Variants in CYP7B1 observed in about 807,000 individuals in gnomAD.
CYP7B1 encodes cytochrome P450 family 7 subfamily B member 1.
Under a neutral mutation model 42.7 loss-of-function variants are expected in CYP7B1, and 29 were observed. The ratio of observed to expected loss-of-function variants is 0.68; its 90% CI spans 0.51 to 0.93. CYP7B1 has a LOEUF of 0.93. CYP7B1 is among the 40% of genes least tolerant of loss of function. CYP7B1 has a pLI of 0.00. For missense variants in CYP7B1, 655 were observed against 600.5 expected, an observed-to-expected ratio of 1.09 and a Z score of -0.95; for synonymous variants, 235 against 218.2, an observed-to-expected ratio of 1.08 and a Z score of -0.68.
chr8:64,657,919 C>T (rs1402023296), intron 1 of CYP7B1, among the ~76,000 whole-genome samples: 29 of 152,148 alleles, frequency 1.9e-4, no homozygotes, highest in Non-Finnish European at 1.5e-4. Context: ...CAGAAATTTA[C>T]TTCTCATAGT....
intron 1 of CYP7B1, among the ~76,000 whole-genome samples, chr8:64,791,863 T>C (rs1804623916): frequency 6.6e-6 from 1 of 152,170 alleles, no homozygotes; most frequent in Non-Finnish European, 1.5e-5. Context: ...CTGAGGAGAA[T>C]GGTAGAAAAC....
chr8:64,628,627 AAC>A (rs996540691), intron 1 of CYP7B1, among the ~76,000 whole-genome samples: 3 of 152,144 alleles, frequency 2.0e-5, no homozygotes, highest in African/African-American at 7.2e-5. Flanking sequence ...TAGTCTAGGC[AAC>A]AGAGCAAGAC....
Position 64,720,611 on chromosome 8 carries a change from A to C in CYP7B1, c.122+77855T>G, listed in dbSNP as rs35307789. Reference sequence around the variant, plus strand: ...ATATGCATGCCATTAAGAGGAAATTAAGCTCTTTAAGGTTGGCTATATGTT... The same window carrying C: ...ATATGCATGCCATTAAGAGGAAATTCAGCTCTTTAAGGTTGGCTATATGTT... On this transcript the variant is annotated intron_variant, in intron 1 of 5. Coordinates refer to ENST00000310193, the MANE Select transcript of CYP7B1 (RefSeq NM_004820.5). 2.0e-5 allele frequency among the ~76,000 whole-genome samples: 3 copies of C among 152,200 alleles called. No individual in the cohort carries two copies. In the East Asian group the frequency reaches 5.8e-4, roughly 29 times the overall value.
At chr8:64,759,737 A>G (rs896840465) in intron 1 of CYP7B1, among the ~76,000 whole-genome samples, 3 of 152,224 alleles carry the variant, frequency 2.0e-5, no homozygotes, top group African/African-American at 7.2e-5. Flanking sequence ...AGCTATTTAC[A>G]TGAAGATCAG....
intron 1 of CYP7B1, among the ~76,000 whole-genome samples, chr8:64,625,161 GA>G (rs1171195915): frequency 6.6e-6 from 1 of 151,800 alleles, no homozygotes; most frequent in Admixed American, 6.6e-5. Context: ...TTTTAGTAGA[GA>G]GGGGGTTTCA....
At chr8:64,766,665 G>A (rs1052663596) in intron 1 of CYP7B1, among the ~76,000 whole-genome samples, 8 of 152,136 alleles carry the variant, frequency 5.3e-5, no homozygotes, top group African/African-American at 1.4e-4. Flanking sequence ...AAGATTGTCC[G>A]AATAGAAATA....
chr8:64,616,384 T>A, intron 2 of CYP7B1, 103 bp from the exon 3 acceptor site: 2 of 787,780 alleles, frequency 2.5e-6, no homozygotes, highest in Non-Finnish European at 4.1e-6. Flanking sequence ...AGAAAGACCC[T>A]AATAACTAAG....
rs1445953969 is a variant in CYP7B1, at chr8:64,653,416, C to G, written c.123-28877G>C. Among the ~76,000 whole-genome samples the G allele has an allele frequency of 2.6e-5, 4 of 152,134 alleles. No individual in the cohort carries two copies. In the South Asian group the frequency reaches 8.3e-4, roughly 32 times the overall value. On this transcript the variant is annotated intron_variant, in intron 1 of 5. Transcript: ENST00000310193. ...AAAACCTAGATGAGATGGATAAATT[C>G]CTGGACACATACACCCTCTCAAGAC...
At chr8:64,700,747 G>A (rs1806903784) in intron 1 of CYP7B1, among the ~76,000 whole-genome samples, 1 of 152,092 alleles carries the variant, frequency 6.6e-6, no homozygotes, top group Non-Finnish European at 1.5e-5. Flanking sequence ...ATAGCAGTGG[G>A]TGGTTAATGA....
chr8:64,696,247 A>G (rs1185854964), intron 1 of CYP7B1, among the ~76,000 whole-genome samples: 1 of 152,194 alleles, frequency 6.6e-6, no homozygotes, highest in Non-Finnish European at 1.5e-5. Context: ...AATGCTGACC[A>G]AGACAGACAA....
chr8:64,743,395 C>T (rs565099446), intron 1 of CYP7B1, among the ~76,000 whole-genome samples: 76 of 138,918 alleles, frequency 5.5e-4, no homozygotes, highest in Non-Finnish European at 8.4e-4. Flanking sequence ...CCTTAGCATA[C>T]CATATTAATT....
intron 1 of CYP7B1, among the ~76,000 whole-genome samples, chr8:64,725,294 A>G (rs566608993): frequency 6.6e-6 from 1 of 152,238 alleles, no homozygotes; most frequent in African/African-American, 2.4e-5. Context: ...TTTGTTATCA[A>G]AGTATCAGCC....
At chr8:64,638,764 G>A (rs1353950665) in intron 1 of CYP7B1, among the ~76,000 whole-genome samples, 2 of 152,036 alleles carry the variant, frequency 1.3e-5, no homozygotes, top group African/African-American at 4.8e-5. Flanking sequence ...TTCAGGGGCT[G>A]GGAGGATTAG....
chr8:64,610,748 T>A (rs1805351774), intron 4 of CYP7B1, among the ~76,000 whole-genome samples: 1 of 152,060 alleles, frequency 6.6e-6, no homozygotes, highest in South Asian at 2.1e-4. Flanking sequence ...GTAATATATA[T>A]CTTATAAAAA....
Position 64,630,966 on chromosome 8 carries a change from A to G in CYP7B1, c.123-6427T>C, listed in dbSNP as rs117051647. On this transcript the variant is annotated intron_variant, in intron 1 of 5. Transcript: ENST00000310193. ...TAAGCTGGGACTCTCTAAGGAGGAC[A>G]GTGACCTGGGAAAAACTTCAGGCCC... is the stretch of plus-strand genomic sequence containing the variant. Among the ~76,000 whole-genome samples the G allele has an allele frequency of 2.0e-3, 301 of 152,324 alleles. 1 individual carries two copies. Among genetic ancestry groups the G allele is most frequent in the Admixed American group, 3.9e-3 (60 of 15,300 alleles).
At chr8:64,588,187 ACATAAC>A (rs145028850), downstream of CYP7B1, among the ~76,000 whole-genome samples, 5,903 of 152,296 alleles carry the variant, frequency 0.039, 346 homozygotes, top group African/African-American at 0.13. Flanking sequence ...TTTAGATAAA[ACATAAC>A]CATATCTTTA....
chr8:64,750,225 C>T (rs1348983374), intron 1 of CYP7B1, among the ~76,000 whole-genome samples: 1 of 152,120 alleles, frequency 6.6e-6, no homozygotes, highest in Non-Finnish European at 1.5e-5. Flanking sequence ...GGTCCAGAGT[C>T]ATGAAGTTTC....
At chr8:64,708,061 C>G (rs139068791) in intron 1 of CYP7B1, among the ~76,000 whole-genome samples, 2 of 152,086 alleles carry the variant, frequency 1.3e-5, no homozygotes, top group African/African-American at 2.4e-5. Flanking sequence ...CAGAAAGAGG[C>G]AAAGGATATT....
At chr8:64,655,722 T>C (rs180940516) in intron 1 of CYP7B1, among the ~76,000 whole-genome samples, 19 of 152,316 alleles carry the variant, frequency 1.2e-4, no homozygotes, top group Admixed American at 1.2e-3. Context: ...CAGATGTTCA[T>C]TGCAGCACTA....
Sources: gnomAD v4.1 joint callset for allele counts (sites outside exome capture counted in the v4.1 genomes callset) on GRCh38, gnomAD v4.1.1 for gene constraint, MANE v1.5 for transcripts, NCBI Gene and HGNC (gene_info 2026-07-23, HGNC 2026-07-21) for gene names.